Variants in USP15 observed in about 807,000 individuals in gnomAD.
The protein encoded by USP15 is ubiquitin specific peptidase 15, also known as ubiquitin carboxyl-terminal hydrolase 15.
Under a neutral mutation model 127.1 loss-of-function variants are expected in USP15, and 18 were observed. That is an observed-to-expected ratio of 0.14 (90% CI 0.10 to 0.21). The LOEUF is 0.21. Ranked by LOEUF, USP15 falls within the 10% of genes least tolerant of loss-of-function variation. USP15 has a pLI of 1.00. For synonymous variants in USP15, 364 were observed against 393.7 expected, an observed-to-expected ratio of 0.92 and a Z score of 0.89; for missense variants, 805 against 1,159.9, an observed-to-expected ratio of 0.69 and a Z score of 4.44.
chr12:62,338,574 T>G (rs1466386450), intron 6 of USP15, among the ~76,000 whole-genome samples: 1 of 152,210 alleles, frequency 6.6e-6, no homozygotes, highest in Admixed American at 6.5e-5. Flanking sequence ...TGAATGGTAT[T>G]GCCTAGGTTT....
At chr12:62,299,572 A>C (rs2064243539) in intron 2 of USP15, among the ~76,000 whole-genome samples, 1 of 152,172 alleles carries the variant, frequency 6.6e-6, no homozygotes, top group Admixed American at 6.6e-5. Flanking sequence ...CAGTTGATGG[A>C]CATTTGAGTT....
chr12:62,328,754 A>G (rs531193809), intron 6 of USP15, among the ~76,000 whole-genome samples: 1 of 152,304 alleles, frequency 6.6e-6, no homozygotes, highest in South Asian at 2.1e-4. Context: ...AGGAAGGAAC[A>G]CTAGACCTAC....
At chr12:62,344,027 A>C (rs1191076025) in intron 6 of USP15, among the ~76,000 whole-genome samples, 1 of 151,998 alleles carries the variant, frequency 6.6e-6, no homozygotes, top group Non-Finnish European at 1.5e-5. Flanking sequence ...ACAGAGCCAA[A>C]CCATATCATT....
chr12:62,295,619 G>T (rs1248564550), intron 2 of USP15, among the ~76,000 whole-genome samples: 1 of 152,038 alleles, frequency 6.6e-6, no homozygotes, highest in Non-Finnish European at 1.5e-5. Flanking sequence ...GAACAGATGA[G>T]ACAAATACAA....
intron 7 of USP15, among the ~76,000 whole-genome samples, chr12:62,354,339 T>C (rs1278795021): frequency 2.4e-4 from 37 of 151,998 alleles, no homozygotes; most frequent in Admixed American, 2.4e-3. Flanking sequence ...GATACTGATT[T>C]ATCATGCTCA....
chr12:62,381,922 T>C (rs2067002142), intron 9 of USP15, among the ~76,000 whole-genome samples: 1 of 151,974 alleles, frequency 6.6e-6, no homozygotes, highest in Admixed American at 6.6e-5. Context: ...TGAAAAAAAG[T>C]TGAAAAACAC....
rs2067350814 is a variant in USP15, at chr12:62,392,296, G to A, written c.2329G>A (p.Glu777Lys). The part of the protein sequence containing the change: ...AEDFEKHESV[E>K]YKPPKKPFVK... Reference sequence around the variant, plus strand: ...GGACTTTGAAAAACATGAAAGTGTGGAGTATAAACCTCCTAAAAAACCCTT... The same window carrying A: ...GGACTTTGAAAAACATGAAAGTGTGAAGTATAAACCTCCTAAAAAACCCTT... Residue 777 changes from glutamate to lysine, a missense_variant, in exon 18 of 22, where the codon GAG becomes AAG. Physicochemically the swap from Glu to Lys is moderately conservative, Grantham distance 56 (BLOSUM62 1). Transcript: ENST00000280377. 1 of 1,598,714 alleles carries A rather than the reference G, an allele frequency of 6.3e-7. No individual in the cohort carries two copies. The highest frequency in any genetic ancestry group is 1.4e-5 in the African/African-American group (1 of 73,776).
At chr12:62,343,917 A>G (rs922619448) in intron 6 of USP15, among the ~76,000 whole-genome samples, 2 of 152,116 alleles carry the variant, frequency 1.3e-5, no homozygotes, top group Non-Finnish European at 2.9e-5. Flanking sequence ...ACAGAACAGC[A>G]TGGAAAAGAC....
At chr12:62,317,077 G>A (rs1338675916) in intron 4 of USP15, among the ~76,000 whole-genome samples, 1 of 152,042 alleles carries the variant, frequency 6.6e-6, no homozygotes. Flanking sequence ...TTGAATGGGA[G>A]ATATTAGAAT....
chr12:62,396,289 A>G lies in USP15; in HGVS notation c.2571-6A>G. ...TAAAAATTAACTTGGTTTCTTTTTTAAACAGTGACTTGGATATGTCGGAAT... is the reference window on the plus strand; with the variant it reads ...TAAAAATTAACTTGGTTTCTTTTTTGAACAGTGACTTGGATATGTCGGAAT... On this transcript the variant is annotated splice_region_variant and splice_polypyrimidine_tract_variant and intron_variant, in intron 19 of 21. Transcript: ENST00000280377. 1 of 1,562,040 alleles carries G rather than the reference A, an allele frequency of 6.4e-7. No individual in the cohort carries two copies. The highest frequency in any genetic ancestry group is 8.6e-7 in the Non-Finnish European group (1 of 1,158,530).
At chr12:62,385,480 A>T (rs2067118874) in intron 11 of USP15, among the ~76,000 whole-genome samples, 2 of 151,990 alleles carry the variant, frequency 1.3e-5, no homozygotes, top group Non-Finnish European at 2.9e-5. Flanking sequence ...AGTCTAGTAG[A>T]TACTAGGTAT....
At position 62,412,783 on chromosome 12, in the gene USP15, A is replaced by G. The variant is rs1177372287; in HGVS notation, c.*8408A>G. 6.6e-6 allele frequency: 1 copy of G among 152,188 alleles called. No homozygotes were observed. Among genetic ancestry groups the G allele is most frequent in the East Asian group, 1.9e-4 (1 of 5,202 alleles). 9.4% of individuals were successfully genotyped at this position (152,188 alleles called of 1,614,324 possible). ...CACCGCATCTGCAGTTACTGCCGCC[A>G]CTGAGGTTTTGAACTTCTCAAAGTC... On this transcript the variant is annotated 3_prime_UTR_variant, in exon 22 of 22. Coordinates refer to ENST00000280377, the MANE Select transcript of USP15 (RefSeq NM_001252078.2).
At chr12:62,291,924 T>G (rs1165574820) in intron 1 of USP15, among the ~76,000 whole-genome samples, 1 of 152,176 alleles carries the variant, frequency 6.6e-6, no homozygotes, top group African/African-American at 2.4e-5. Flanking sequence ...TGTTACCAGA[T>G]TGGGTTGTGC....
At chr12:62,403,916 T>C (rs971351144) in intron 21 of USP15, among the ~76,000 whole-genome samples, 4 of 152,110 alleles carry the variant, frequency 2.6e-5, no homozygotes, top group African/African-American at 9.7e-5. Flanking sequence ...AGAATTGTGA[T>C]ACAGTTTGTG....
Position 62,389,668 on chromosome 12 carries a change from A to G in USP15, c.1621A>G (p.Ser541Gly), listed in dbSNP as rs902221845. 4 of 1,613,334 alleles carry G rather than the reference A, an allele frequency of 2.5e-6. No homozygotes were observed. The highest frequency in any genetic ancestry group is 3.4e-6 in the Non-Finnish European group (4 of 1,179,578). The change falls in exon 13 of 22, where the codon AGT becomes GGT. Residue 541 changes from serine to glycine, a missense_variant. Coordinates refer to ENST00000280377, the MANE Select transcript of USP15 (RefSeq NM_001252078.2). ...AATATTCGCTATGGATGAAAACCTT[A>G]GTAGTATTATGGAACGGGATGATAT... ...HRIFAMDENL[S>G]SIMERDDIYV...
intron 1 of USP15, chr12:62,279,022 T>G (rs2063573978): frequency 6.6e-6 from 1 of 152,162 alleles, no homozygotes; most frequent in Admixed American, 6.6e-5. Context: ...GTAAGAATAC[T>G]TAACATGAGC....
Position 62,384,240 on chromosome 12 carries a change from A to G in USP15, c.1411A>G (p.Lys471Glu). 6.2e-7 allele frequency: 1 copy of G among 1,612,608 alleles called. No individual in the cohort carries two copies. Among genetic ancestry groups the G allele is most frequent in the Non-Finnish European group, 8.5e-7 (1 of 1,179,192 alleles). Reference protein sequence around the residue: ...FCYLTLPLPMKKERTLEVYLV... With the variant: ...FCYLTLPLPMEKERTLEVYLV... ...TTACTTGACACTTCCATTGCCCATG[A>G]AAAAAGAACGCACCTTGGAAGTTTA... Residue 471 changes from lysine (K) to glutamate (E), a missense_variant, in exon 11 of 22, where the codon AAA (lysine) becomes GAA (glutamate). By Grantham distance (56) the Lys-to-Glu change is moderately conservative. This residue lies in a region of USP15 where 84 missense variants were observed against 210.3 expected (regional missense o/e 0.40). Transcript: ENST00000280377.
intron 8 of USP15, among the ~76,000 whole-genome samples, chr12:62,357,061 A>C (rs993434925): frequency 6.6e-6 from 1 of 151,908 alleles, no homozygotes; most frequent in Admixed American, 6.6e-5. Flanking sequence ...TTTTTTTCCT[A>C]GTTTAGAAAA....
intron 2 of USP15, among the ~76,000 whole-genome samples, chr12:62,296,794 C>T (rs1254166743): frequency 6.6e-6 from 1 of 152,266 alleles, no homozygotes; most frequent in African/African-American, 2.4e-5. Context: ...GGAGTCTTAG[C>T]TTAGTCTCAA....
Sources: allele counts gnomAD v4.1 joint callset (sites outside exome capture counted in the v4.1 genomes callset), GRCh38; gene constraint gnomAD v4.1.1; regional missense constraint gnomAD v4.1.1; transcripts MANE v1.5; gene names NCBI Gene and HGNC (gene_info 2026-07-23, HGNC 2026-07-21).